Variants in COL5A2 observed in about 807,000 individuals in gnomAD.
The protein encoded by COL5A2 is collagen type V alpha 2 chain.
COL5A2 carries 23 observed loss-of-function variants against 208.2 expected under a neutral mutation model. That is an observed-to-expected ratio of 0.11 (90% CI 0.08 to 0.16). The LOEUF is 0.16. COL5A2 is among the 10% of genes least tolerant of loss of function. COL5A2 has a pLI of 1.00. For synonymous variants in COL5A2, 625 were observed against 628.5 expected (o/e 0.99, Z 0.08); for missense variants, 1,590 against 1,956.4 (o/e 0.81, Z 3.53).
At chr2:189,150,896 C>A (rs776317279) in intron 1 of COL5A2, among the ~76,000 whole-genome samples, 1 of 152,096 alleles carries the variant, frequency 6.6e-6, no homozygotes, top group Non-Finnish European at 1.5e-5. Context: ...GAATTCATTA[C>A]CTCAAAGGGA....
rs1212101041 is a variant in COL5A2 at position 189,033,953 on chromosome 2, G to C, written c.*117C>G. Reference sequence around the variant, plus strand: ...CACTTAAGACCATATATACAATGCTGATGCAGGATCAGCCATTACTTCAAG... The same window carrying C: ...CACTTAAGACCATATATACAATGCTCATGCAGGATCAGCCATTACTTCAAG... On this transcript the variant is annotated 3_prime_UTR_variant, in exon 54 of 54. Coordinates refer to ENST00000374866, the MANE Select transcript of COL5A2 (RefSeq NM_000393.5). 3.7e-6 allele frequency: 5 copies of C among 1,343,458 alleles called. No individual in the cohort carries two copies. The highest frequency in any genetic ancestry group is 5.3e-6 in the Non-Finnish European group (5 of 943,054). The allele number at this position is 1,343,458 out of a possible 1,614,324, so 83.2% of individuals were successfully genotyped here.
intron 1 of COL5A2, among the ~76,000 whole-genome samples, chr2:189,158,689 C>G (rs1241651853): frequency 6.6e-6 from 1 of 152,050 alleles, no homozygotes. Context: ...CTGTCAATCT[C>G]TTCTAAGAGT....
chr2:189,308,777 G>A, the COL5A2 span, among the ~76,000 whole-genome samples: 1 of 152,132 alleles, frequency 6.6e-6, no homozygotes, highest in Admixed American at 6.5e-5. Context: ...TTCAGAGAGA[G>A]GGCTTCAAGT....
At chr2:189,297,452 T>C in the COL5A2 span, among the ~76,000 whole-genome samples, 1 of 152,196 alleles carries the variant, frequency 6.6e-6, no homozygotes, top group Non-Finnish European at 1.5e-5. Context: ...AAATATCTCA[T>C]GTATCCCATA....
At chr2:189,290,717 TAC>T in the COL5A2 span, among the ~76,000 whole-genome samples, 14,841 of 136,504 alleles carry the variant, frequency 0.11, 817 homozygotes, top group South Asian at 0.2. Context: ...TTTTTGTTAA[TAC>T]ACACACACAC....
At position 189,100,155 on chromosome 2, in the gene COL5A2, C is replaced by T. The variant is rs1687019303; in HGVS notation, c.337-16G>A. 6.2e-7 allele frequency: 1 copy of T among 1,608,346 alleles called. No homozygotes were observed. The highest frequency in any genetic ancestry group is 8.5e-7 in the Non-Finnish European group (1 of 1,175,214). ...CCTTTTGTCCCTGTGACATTAAAAA[C>T]AATTCAAAAATTCAATTAGCACAAT... On this transcript the variant is annotated splice_polypyrimidine_tract_variant and intron_variant, in intron 3 of 53. Coordinates refer to ENST00000374866, the MANE Select transcript of COL5A2 (RefSeq NM_000393.5).
the COL5A2 span, among the ~76,000 whole-genome samples, chr2:189,279,862 ATC>A: frequency 6.6e-6 from 1 of 152,166 alleles, no homozygotes; most frequent in Non-Finnish European, 1.5e-5. Context: ...TAAACTGAAT[ATC>A]TGTGCCCCCT....
chr2:189,116,673 G>A (rs1183031413), intron 1 of COL5A2, among the ~76,000 whole-genome samples: 1 of 152,080 alleles, frequency 6.6e-6, no homozygotes, highest in Non-Finnish European at 1.5e-5. Context: ...ACTTTCTAGT[G>A]AGCCCCGCAA....
chr2:189,090,494 AAT>A (rs1686761147), intron 7 of COL5A2, among the ~76,000 whole-genome samples: 1 of 152,242 alleles, frequency 6.6e-6, no homozygotes, highest in Non-Finnish European at 1.5e-5. Flanking sequence ...TACACTCAAC[AAT>A]AGACTTTCAA....
At chr2:189,160,626 C>T (rs2105801658) in intron 1 of COL5A2, among the ~76,000 whole-genome samples, 1 of 152,218 alleles carries the variant, frequency 6.6e-6, no homozygotes, top group South Asian at 2.1e-4. Context: ...CACCTGCTGT[C>T]TTTCCTACTA....
chr2:189,209,949 A>C (rs1413751710), intron 1 of COL5A2, among the ~76,000 whole-genome samples: 1 of 152,232 alleles, frequency 6.6e-6, no homozygotes, highest in Non-Finnish European at 1.5e-5. Flanking sequence ...GAGAATAAAG[A>C]GGTTACATGA....
At chr2:189,230,710 T>A in the COL5A2 span, among the ~76,000 whole-genome samples, 1 of 151,848 alleles carries the variant, frequency 6.6e-6, no homozygotes, top group Non-Finnish European at 1.5e-5. Context: ...AGCAAAGATG[T>A]AGACAAATTG....
In COL5A2 at chr2:189,087,525, G is replaced by A. The variant is rs1264930377; in HGVS notation, c.646-755C>T. The stretch of plus-strand genomic sequence containing the variant: ...GTCACCCAGGCTGGAGTGCAGTGGC[G>A]CGACCTGGGCTCACTGCAAGCTCCA... On this transcript the variant is annotated intron_variant, in intron 8 of 53. Coordinates refer to ENST00000374866, the MANE Select transcript of COL5A2 (RefSeq NM_000393.5). Among the ~76,000 whole-genome samples, 5 of 151,542 alleles carry A rather than the reference G, an allele frequency of 3.3e-5. No individual in the cohort carries two copies. The East Asian group carries it at 7.7e-4, about 23-fold the overall frequency.
At chr2:189,424,551 A>G in the COL5A2 span, among the ~76,000 whole-genome samples, 2 of 152,204 alleles carry the variant, frequency 1.3e-5, no homozygotes, top group South Asian at 4.1e-4. Context: ...GGAAATCAAG[A>G]AAACAATTCC....
chr2:189,062,853 A>C lies in COL5A2; in HGVS notation c.1977+12T>G, dbSNP rs202204374. On this transcript the variant is annotated intron_variant, in intron 29 of 53. Transcript: ENST00000374866. ...ATATATTCTCACACACACACACACA[A>C]AAATCACATACCGGCGGGCCCACAG... is the stretch of plus-strand genomic sequence containing the variant. 1.2e-4 allele frequency: 188 copies of C among 1,614,014 alleles called. 1 individual carries two copies. Among genetic ancestry groups the C allele is most frequent in the African/African-American group, 3.2e-4 (24 of 74,982 alleles).
At chr2:189,188,301 G>A (rs1688880543) in intron 1 of COL5A2, among the ~76,000 whole-genome samples, 1 of 151,822 alleles carries the variant, frequency 6.6e-6, no homozygotes. Context: ...CATTTCTTTA[G>A]TTTTGCCTTT....
At chr2:189,211,727 C>T (rs1302171516) in intron 1 of COL5A2, among the ~76,000 whole-genome samples, 3 of 152,048 alleles carry the variant, frequency 2.0e-5, no homozygotes, top group African/African-American at 4.8e-5. Context: ...AATGAAAATA[C>T]TCAGGGGGGA....
chr2:189,291,272 C>G, the COL5A2 span, among the ~76,000 whole-genome samples: 25 of 152,060 alleles, frequency 1.6e-4, no homozygotes, highest in Middle Eastern at 3.2e-3. Context: ...TATATCCACT[C>G]AATAGAGAAG....
the COL5A2 span, among the ~76,000 whole-genome samples, chr2:189,420,814 T>C: frequency 1.3e-5 from 2 of 152,104 alleles, no homozygotes; most frequent in Non-Finnish European, 2.9e-5. Context: ...TTCCATAAGA[T>C]TTCCCAAATC....
Sources: allele counts gnomAD v4.1 joint callset (sites outside exome capture counted in the v4.1 genomes callset), GRCh38; gene constraint gnomAD v4.1.1; transcripts MANE v1.5; gene names NCBI Gene and HGNC (gene_info 2026-07-23, HGNC 2026-07-21).